Variants in ZNF431 observed in about 807,000 individuals in gnomAD.
ZNF431 encodes the protein zinc finger protein 431.
A neutral mutation model predicts 57.0 loss-of-function variants in ZNF431; 34 were observed. The observed-to-expected ratio is 0.60, with a 90% CI of 0.45 to 0.79. The LOEUF (loss-of-function observed/expected upper bound fraction) is 0.79, where lower values mean the gene tolerates loss of function less well. ZNF431 is among the 30% of genes least tolerant of loss of function. ZNF431 has a pLI of 0.00. For synonymous variants in ZNF431, 207 were observed against 220.3 expected, an observed-to-expected ratio of 0.94 and a Z score of 0.54; for missense variants, 607 against 667.1, an observed-to-expected ratio of 0.91 and a Z score of 0.99.
rs770621803 is a variant in ZNF431, at chr19:21,189,655, A to G, written c.*5621A>G. The G allele has an allele frequency of 5.1e-5, 18 of 354,358 alleles. No homozygotes were observed. The highest frequency in any genetic ancestry group is 7.9e-5 in the Non-Finnish European group (16 of 201,648). The allele number at this position is 354,358 out of a possible 1,614,324, so 22.0% of individuals were successfully genotyped here. A position where few individuals can be genotyped will look rare whatever the true frequency, so the allele number is the denominator to read the frequency against. ...TATAATTATGTATTATTTCACAAAC[A>G]TGTTTCCAGCCTTCCATTTCTTATA... On this transcript the variant is annotated 3_prime_UTR_variant, in exon 5 of 5. Coordinates refer to ENST00000311048, the MANE Select transcript of ZNF431 (RefSeq NM_133473.4).
chr19:21,152,229 A>C (rs1599580483), intron 2 of ZNF431, among the ~76,000 whole-genome samples: 1 of 152,150 alleles, frequency 6.6e-6, no homozygotes, highest in Non-Finnish European at 1.5e-5. Context: ...AGTAATATAA[A>C]ATAAGAAAGA....
At chr19:21,148,930 G>A (rs1025468866) in intron 2 of ZNF431, among the ~76,000 whole-genome samples, 1 of 152,160 alleles carries the variant, frequency 6.6e-6, no homozygotes, top group Non-Finnish European at 1.5e-5. Context: ...AACAGTCATA[G>A]TGGCATTTTG....
chr19:21,162,778 T>G, intron 2 of ZNF431: 1 of 984,898 alleles, frequency 1.0e-6, no homozygotes. Context: ...ATAAACTGTA[T>G]ATTTTGGGAT....
At position 21,153,944 on chromosome 19, in the gene ZNF431, G is replaced by A. The variant is rs575065129; in HGVS notation, c.96+10301G>A. ...TTGGTCAGGCTGGTCTCAAACGCCC[G>A]ACCTCAGTTGAGCCACCTGCCTTGG... is the stretch of plus-strand genomic sequence containing the variant. On this transcript the variant is annotated intron_variant, in intron 2 of 4. Transcript: ENST00000311048. Among the ~76,000 whole-genome samples, 64 of 152,262 alleles carry A rather than the reference G, an allele frequency of 4.2e-4. No individual in the cohort carries two copies. The East Asian group carries it at 0.011, about 26-fold the overall frequency.
Position 21,183,007 on chromosome 19 carries a change from A to G in ZNF431, c.704A>G (p.Glu235Gly), listed in dbSNP as rs757685878. The stretch of plus-strand genomic sequence containing the variant: ...ATTAGAGAGAATTCTTACCAATGTG[A>G]AGAATGTGGCAAAGCTTTTAAATGG... ...IHIRENSYQCEECGKAFKWFS... is the reference protein window; with the variant it reads ...IHIRENSYQCGECGKAFKWFS... The change falls in exon 5 of 5, where the codon GAA (glutamate) becomes GGA (glycine). Residue 235 changes from glutamate (E) to glycine (G), a missense_variant. Physicochemically the swap from Glu to Gly is moderately conservative, Grantham distance 98 (BLOSUM62 -2). Transcript: ENST00000311048. 6.2e-7 allele frequency: 1 copy of G among 1,614,154 alleles called. No homozygotes were observed. Among genetic ancestry groups the G allele is most frequent in the Admixed American group, 1.7e-5 (1 of 60,026 alleles).
chr19:21,149,693 C>T lies in ZNF431; in HGVS notation c.96+6050C>T, dbSNP rs190550128. On this transcript the variant is annotated intron_variant, in intron 2 of 4. Transcript: ENST00000311048. ...GTTCTTTAGTCTTTGCCTTTTTGAG[C>T]TTGGCGATCTGAGCCACAGACTTGA... 1.1e-4 allele frequency: 64 copies of T among 586,312 alleles called. No individual in the cohort carries two copies. In the East Asian group the frequency reaches 2.5e-3, roughly 23 times the overall value. The allele number at this position is 586,312 out of a possible 1,614,324, so 36.3% of individuals were successfully genotyped here. A position where few individuals can be genotyped will look rare whatever the true frequency, so the allele number is the denominator to read the frequency against.
At chr19:21,166,937 A>G (rs1042791510) in intron 3 of ZNF431, among the ~76,000 whole-genome samples, 2 of 152,106 alleles carry the variant, frequency 1.3e-5, no homozygotes, top group Non-Finnish European at 2.9e-5. Flanking sequence ...ATCTTGGCTC[A>G]CTGCAACCTC....
chr19:21,153,246 G>C (rs1174230113), intron 2 of ZNF431, among the ~76,000 whole-genome samples: 1 of 152,074 alleles, frequency 6.6e-6, no homozygotes, highest in African/African-American at 2.4e-5. Flanking sequence ...TTATCAGCCA[G>C]GTCTTTATGA....
chr19:21,184,417 CA>C lies in ZNF431; in HGVS notation c.*385del, dbSNP rs1217868241. ...CATGGCAAAGCCTTTAAGAAGCCCT[CA>C]ATTCTTAACAGACATAAGATAATTT... On this transcript the variant is annotated 3_prime_UTR_variant, in exon 5 of 5. Transcript: ENST00000311048. 3 of 160,426 alleles carry C rather than the reference CA, an allele frequency of 1.9e-5. No homozygotes were observed. The highest frequency in any genetic ancestry group is 7.2e-5 in the African/African-American group (3 of 41,572). The allele number at this position is 160,426 out of a possible 1,614,324, so 9.9% of individuals were successfully genotyped here.
chr19:21,149,562 T>C, intron 2 of ZNF431: 1 of 190,574 alleles, frequency 5.2e-6, no homozygotes, highest in Non-Finnish European at 9.9e-6. Flanking sequence ...TGTAAGGTTT[T>C]TCTTTGTCAA....
chr19:21,165,617 A>G (rs1970699562), intron 2 of ZNF431, among the ~76,000 whole-genome samples: 2 of 152,228 alleles, frequency 1.3e-5, no homozygotes, highest in African/African-American at 4.8e-5. Context: ...TATAGAGTTA[A>G]TTATTTTTAT....
intron 2 of ZNF431, among the ~76,000 whole-genome samples, chr19:21,163,138 G>C (rs529242370): frequency 6.6e-6 from 1 of 152,296 alleles, no homozygotes; most frequent in East Asian, 1.9e-4. Context: ...TCCCCACATA[G>C]TGCTCTGTAA....
chr19:21,172,670 A>G (rs2115498), intron 4 of ZNF431, among the ~76,000 whole-genome samples: 113,438 of 151,808 alleles, frequency 0.75, 43,231 homozygotes, highest in Middle Eastern at 0.86. Flanking sequence ...GCATAGTGTT[A>G]TGCACCTGTG....
intron 2 of ZNF431, among the ~76,000 whole-genome samples, chr19:21,154,116 G>T (rs1208269281): frequency 6.6e-6 from 1 of 152,076 alleles, no homozygotes; most frequent in African/African-American, 2.4e-5. Context: ...TTGGTGTGCT[G>T]CACCCATTAA....
chr19:21,146,246 C>T (rs1164979951), intron 2 of ZNF431, among the ~76,000 whole-genome samples: 1 of 151,860 alleles, frequency 6.6e-6, no homozygotes, highest in Non-Finnish European at 1.5e-5. Context: ...CCCGTCTCTA[C>T]TAAAAACATA....
rs1000271698 is a variant in ZNF431 at position 21,192,242 on chromosome 19, C to T, written c.*8208C>T. On this transcript the variant is annotated 3_prime_UTR_variant, in exon 5 of 5. Coordinates refer to ENST00000311048, the MANE Select transcript of ZNF431 (RefSeq NM_133473.4). ...CGAGTGCAGTGGCACGATCTTGGCTCACTGCAACCTCTGCCTCCCTGGCTG... is the reference window on the plus strand; with the variant it reads ...CGAGTGCAGTGGCACGATCTTGGCTTACTGCAACCTCTGCCTCCCTGGCTG... 2 of 152,278 alleles carry T rather than the reference C, an allele frequency of 1.3e-5. No homozygotes were observed. The highest frequency in any genetic ancestry group is 4.1e-4 in the South Asian group (2 of 4,824). 9.4% of individuals were successfully genotyped at this position (152,278 alleles called of 1,614,324 possible). A position where few individuals can be genotyped will look rare whatever the true frequency, so the allele number is the denominator to read the frequency against.
chr19:21,154,589 C>T (rs970973421), intron 2 of ZNF431, among the ~76,000 whole-genome samples: 28 of 152,104 alleles, frequency 1.8e-4, no homozygotes, highest in Non-Finnish European at 3.2e-4. Context: ...CCTGAGGAAT[C>T]GCCACACTGA....
Position 21,142,317 on chromosome 19 carries a change from G to C in ZNF431, c.3+131G>C, listed in dbSNP as rs376509725. 1.0e-3 allele frequency: 1,362 copies of C among 1,314,338 alleles called. 10 individuals are homozygous for C. The African/African-American group carries it at 0.015, about 15-fold the overall frequency. 81.4% of individuals were successfully genotyped at this position (1,314,338 alleles called of 1,614,324 possible). Reference sequence around the variant, plus strand: ...CTGCGCCCCGAGTTCTCCTTGCCCAGCTCGGCCTCAGTCCCCTCCAGCCAT... The same window carrying C: ...CTGCGCCCCGAGTTCTCCTTGCCCACCTCGGCCTCAGTCCCCTCCAGCCAT... On this transcript the variant is annotated intron_variant, in intron 1 of 4. Transcript: ENST00000311048.
At chr19:21,174,496 G>T (rs900462090) in intron 4 of ZNF431, among the ~76,000 whole-genome samples, 1 of 151,916 alleles carries the variant, frequency 6.6e-6, no homozygotes. Flanking sequence ...ATATAATATC[G>T]TGTTTGTCCT....
Sources: gnomAD v4.1 joint callset for allele counts (sites outside exome capture counted in the v4.1 genomes callset) on GRCh38, gnomAD v4.1.1 for gene constraint, MANE v1.5 for transcripts, NCBI Gene and HGNC (gene_info 2026-07-23, HGNC 2026-07-21) for gene names.